The following MYOCD variants were observed in gnomAD, a reference collection of about 807,000 sequenced individuals.
MYOCD encodes myocardin.
A neutral mutation model predicts 96.1 loss-of-function variants in MYOCD; 32 were observed. The ratio of observed to expected loss-of-function variants is 0.33; its 90% CI spans 0.25 to 0.45. MYOCD has a LOEUF of 0.45. MYOCD is among the 20% of genes least tolerant of loss of function. The pLI is 1.00. For synonymous variants in MYOCD, 469 were observed against 469.0 expected (o/e 1.00, Z 0.00); for missense variants, 1,133 against 1,200.6 (o/e 0.94, Z 0.83).
intron 1 of MYOCD, among the ~76,000 whole-genome samples, chr17:12,668,363 C>G (rs1346621819): frequency 6.6e-6 from 1 of 152,158 alleles, no homozygotes; most frequent in Non-Finnish European, 1.5e-5. Flanking sequence ...ATTATGTATT[C>G]CATTAAACAT....
intron 5 of MYOCD, among the ~76,000 whole-genome samples, chr17:12,734,504 C>CGTTT (rs2032279865): frequency 1.5e-5 from 1 of 65,470 alleles, no homozygotes; most frequent in African/African-American, 6.4e-5. Context: ...ACACATGATC[C>CGTTT]TTTTTTTTTT....
chr17:12,735,527 A>G (rs1567591730), intron 5 of MYOCD, among the ~76,000 whole-genome samples: 2 of 152,204 alleles, frequency 1.3e-5, no homozygotes, highest in African/African-American at 4.8e-5. Flanking sequence ...ATAAAAAATG[A>G]GGATCAAGCT....
intron 9 of MYOCD, among the ~76,000 whole-genome samples, chr17:12,750,140 G>A (rs1019867956): frequency 6.6e-6 from 1 of 151,976 alleles, no homozygotes; most frequent in Non-Finnish European, 1.5e-5. Flanking sequence ...CCCGGCTAAA[G>A]TTTTTGATAC....
At chr17:12,738,528 C>T (rs917482530) in intron 6 of MYOCD, among the ~76,000 whole-genome samples, 6 of 152,084 alleles carry the variant, frequency 3.9e-5, no homozygotes, top group Admixed American at 2.6e-4. Flanking sequence ...TGTGTGCACA[C>T]ATGTGCACAC....
intron 4 of MYOCD, among the ~76,000 whole-genome samples, chr17:12,721,430 A>G (rs1207060720): frequency 2.6e-5 from 4 of 152,198 alleles, no homozygotes; most frequent in African/African-American, 7.2e-5. Flanking sequence ...AGCGAAAGAG[A>G]TCTATAAGAA....
Position 12,763,365 on chromosome 17 carries a change from T to C in MYOCD, c.2682T>C (p.Ala894=), listed in dbSNP as rs1396647285. The change falls in exon 14 of 14, where the codon GCT becomes GCC. Residue 894 remains alanine, a synonymous_variant. Transcript: ENST00000425538. ...TAATGGATGGATTCTCTGGGAAGGC[T>C]GCAGAAGACCTCTTCAATGCACATG... ...DGIMDGFSGK[A]AEDLFNAHEI... is the part of the protein sequence containing the mutation. The C allele has an allele frequency of 6.3e-7, 1 of 1,598,476 alleles. No homozygotes were observed. The highest frequency in any genetic ancestry group is 8.5e-7 in the Non-Finnish European group (1 of 1,172,126).
intron 10 of MYOCD, 86 bp from the exon 11 acceptor site, chr17:12,756,328 A>G: frequency 6.9e-7 from 1 of 1,446,908 alleles, no homozygotes; most frequent in Non-Finnish European, 9.5e-7. Context: ...ACCAGGGGAC[A>G]CAGGGCAGGA....
At chr17:12,761,531 A>G (rs2033170566) in intron 13 of MYOCD, 1 of 152,200 alleles carries the variant, frequency 6.6e-6, no homozygotes, top group South Asian at 2.1e-4. Context: ...GGGTACAAAC[A>G]TATGTATGTA....
At chr17:12,754,527 G>T (rs12452239) in intron 10 of MYOCD, among the ~76,000 whole-genome samples, 2 of 152,040 alleles carry the variant, frequency 1.3e-5, no homozygotes, top group African/African-American at 4.8e-5. Context: ...GCACTTGCAG[G>T]GGCCCTGAGG....
Position 12,717,348 on chromosome 17 carries a change from T to C in MYOCD, c.180T>C (p.Ala60=), listed in dbSNP as rs1266667966. ...TTTCTCTTGTTTGGGTTCTACAGGC[T>C]AAAAATTCCCTGAAGCGCAAAGCCA... is the stretch of plus-strand genomic sequence containing the variant. ...EQRKHLDSDK[A]KNSLKRKARN... is the part of the protein sequence containing the mutation. The change falls in exon 4 of 14, where the codon GCT becomes GCC. Residue 60 remains alanine, a splice_region_variant and synonymous_variant. Coordinates refer to ENST00000425538, the MANE Select transcript of MYOCD (RefSeq NM_001146312.3). 1.2e-6 allele frequency: 2 copies of C among 1,613,584 alleles called. No homozygotes were observed. Among genetic ancestry groups the C allele is most frequent in the African/African-American group, 2.7e-5 (2 of 74,902 alleles).
chr17:12,724,907 T>G (rs1296259785), intron 5 of MYOCD, among the ~76,000 whole-genome samples: 1 of 152,156 alleles, frequency 6.6e-6, no homozygotes, highest in Non-Finnish European at 1.5e-5. Flanking sequence ...TTGTGTCAAC[T>G]TCAATTCTAT....
chr17:12,746,266 C>T (rs192458808), intron 9 of MYOCD, among the ~76,000 whole-genome samples, 194 bp downstream of exon 9: 30 of 152,084 alleles, frequency 2.0e-4, no homozygotes, highest in African/African-American at 6.3e-4. Flanking sequence ...TTTATGCAGC[C>T]GTAACAGGAT....
chr17:12,726,804 G>C (rs951952007), intron 5 of MYOCD, among the ~76,000 whole-genome samples: 22 of 152,046 alleles, frequency 1.4e-4, no homozygotes, highest in African/African-American at 5.1e-4. Flanking sequence ...ATGATTGGTT[G>C]CTTTAAAACA....
chr17:12,756,409 T>C lies in MYOCD; in HGVS notation c.2059-5T>C, dbSNP rs1227629410. 6.4e-7 allele frequency: 1 copy of C among 1,552,100 alleles called. No individual in the cohort carries two copies. The highest frequency in any genetic ancestry group is 1.4e-5 in the African/African-American group (1 of 73,014). ...CCATGTAATTTGTCACTTCTTCCTT[T>C]GCAGAACTCAGGAGCACACGATGGC... On this transcript the variant is annotated splice_polypyrimidine_tract_variant and splice_region_variant and intron_variant, in intron 10 of 13. Transcript: ENST00000425538.
rs1045682859 is a variant in MYOCD, at chr17:12,763,168, C to G, written c.2485C>G (p.Pro829Ala). The G allele has an allele frequency of 4.3e-6, 7 of 1,614,082 alleles. No homozygotes were observed. Among genetic ancestry groups the G allele is most frequent in the African/African-American group, 1.3e-5 (1 of 74,934 alleles). Residue 829 changes from proline to alanine, a missense_variant, in exon 14 of 14, where the codon CCC (proline) becomes GCC (alanine). Pro to Ala is a conservative substitution (Grantham distance 27, BLOSUM62 -1). Transcript: ENST00000425538. ...AAGTCCAACTGCTGTCCTCACCAAG[C>G]CCTCGGCTTCCTTTGAACAAGCCTC... ...SRSPTAVLTK[P>A]SASFEQASSG... is the part of the protein sequence containing the mutation.
Position 12,763,760 on chromosome 17 carries a change from C to A in MYOCD, c.*116C>A. 2 of 965,504 alleles carry A rather than the reference C, an allele frequency of 2.1e-6. No individual in the cohort carries two copies. The highest frequency in any genetic ancestry group is 3.0e-6 in the Non-Finnish European group (2 of 672,510). 59.8% of individuals were successfully genotyped at this position (965,504 alleles called of 1,614,324 possible). ...GAAGAAGAAGAGAATTAAAAAGAAG[C>A]AATGATTTCTGTGCCAATGAACAAG... On this transcript the variant is annotated 3_prime_UTR_variant, in exon 14 of 14. Transcript: ENST00000425538.
chr17:12,712,221 T>G (rs2059394775), intron 2 of MYOCD, among the ~76,000 whole-genome samples: 1 of 152,170 alleles, frequency 6.6e-6, no homozygotes, highest in African/African-American at 2.4e-5. Context: ...AAGCTGCACT[T>G]AGAGAACGCT....
chr17:12,756,377 C>CT, intron 10 of MYOCD, 37 bp from the exon 11 acceptor site: 1 of 1,551,602 alleles, frequency 6.4e-7, no homozygotes, highest in Non-Finnish European at 8.7e-7. Context: ...AAGTAAGCTG[C>CT]TGCTGGCCAT....
chr17:12,731,173 A>G (rs988152272), intron 5 of MYOCD, among the ~76,000 whole-genome samples: 1 of 152,162 alleles, frequency 6.6e-6, no homozygotes, highest in Non-Finnish European at 1.5e-5. Flanking sequence ...CATGCTGGGG[A>G]AGATTGGAGC....
Sources: gnomAD v4.1 joint callset for allele counts (sites outside exome capture counted in the v4.1 genomes callset) on GRCh38, gnomAD v4.1.1 for gene constraint, MANE v1.5 for transcripts, NCBI Gene and HGNC (gene_info 2026-07-23, HGNC 2026-07-21) for gene names.